The following TCF7L1 variants were observed in gnomAD, a reference collection of about 807,000 sequenced individuals.
TCF7L1 encodes the protein transcription factor 7-like 1.
TCF7L1 carries 18 observed loss-of-function variants against 63.7 expected under a neutral mutation model. That is an observed-to-expected ratio of 0.28 (90% CI 0.20 to 0.42). The LOEUF is 0.42. Among genes scored for constraint, TCF7L1 ranks in the 10% least tolerant of loss-of-function variants. The pLI is 1.00. For synonymous variants in TCF7L1, 355 were observed against 340.9 expected (o/e 1.04, Z -0.46); for missense variants, 654 against 779.3 (o/e 0.84, Z 1.91).
chr2:85,220,031 CT>C (rs1265401189), intron 3 of TCF7L1, among the ~76,000 whole-genome samples: 2 of 152,170 alleles, frequency 1.3e-5, no homozygotes, highest in Non-Finnish European at 2.9e-5. Context: ...GTTTATTGTA[CT>C]TTTCCTATAA....
rs567918409 is a variant in TCF7L1, at chr2:85,274,635, C to T, written c.442-8860C>T. On this transcript the variant is annotated intron_variant, in intron 3 of 11. Transcript: ENST00000282111. Reference sequence around the variant, plus strand: ...CAGCCAATTGGTAGCATCTCTTCCGCGCTGAGCCTTCAGTGACTCATCGTG... The same window carrying T: ...CAGCCAATTGGTAGCATCTCTTCCGTGCTGAGCCTTCAGTGACTCATCGTG... Among the ~76,000 whole-genome samples the T allele has an allele frequency of 1.2e-4, 18 of 152,326 alleles. No individual in the cohort carries two copies. The South Asian group carries it at 1.2e-3, about 11-fold the overall frequency.
chr2:85,205,780 C>A (rs536219283), intron 3 of TCF7L1, among the ~76,000 whole-genome samples: 1 of 152,330 alleles, frequency 6.6e-6, no homozygotes, highest in Non-Finnish European at 1.5e-5. Flanking sequence ...CTTGGCCTCC[C>A]AAAGTGTTGG....
At chr2:85,228,293 C>T (rs1033066639) in intron 3 of TCF7L1, among the ~76,000 whole-genome samples, 4 of 152,078 alleles carry the variant, frequency 2.6e-5, no homozygotes, top group East Asian at 1.9e-4. Context: ...TGGTGGTGCA[C>T]GCCTGTAGTC....
rs1476609397 is a variant in TCF7L1 at position 85,310,220 on chromosome 2, C to G, written c.*758C>G. On this transcript the variant is annotated 3_prime_UTR_variant, in exon 12 of 12. Coordinates refer to ENST00000282111, the MANE Select transcript of TCF7L1 (RefSeq NM_031283.3). ...ATGGTCTGGCTCCTGTCACCTGGGT[C>G]CGTGCCAGCACAATCTGCCAAAGTT... The G allele has an allele frequency of 6.6e-6, 1 of 152,604 alleles. No individual in the cohort carries two copies. The highest frequency in any genetic ancestry group is 1.5e-5 in the Non-Finnish European group (1 of 68,062). 9.5% of individuals were successfully genotyped at this position (152,604 alleles called of 1,614,324 possible). A position where few individuals can be genotyped will look rare whatever the true frequency, so the allele number is the denominator to read the frequency against.
chr2:85,299,386 CTA>C lies in TCF7L1; in HGVS notation c.526-3097_526-3096del, dbSNP rs371963193. On this transcript the variant is annotated intron_variant, in intron 4 of 11. Transcript: ENST00000282111. ...CCAACATGGTGAAACCCCATCTCTA[CTA>C]AAAATACAAAAAAATTAGCCGGACA... Among the ~76,000 whole-genome samples the C allele has an allele frequency of 7.7e-3, 1,173 of 151,650 alleles. 11 individuals are homozygous for C. Among genetic ancestry groups the C allele is most frequent in the Middle Eastern group, 0.034 (10 of 290 alleles).
At chr2:85,300,260 A>G (rs544512352) in intron 4 of TCF7L1, among the ~76,000 whole-genome samples, 7 of 151,982 alleles carry the variant, frequency 4.6e-5, no homozygotes, top group Non-Finnish European at 8.8e-5. Context: ...TAATAATTCT[A>G]TTGGATTTAT....
Position 85,302,539 on chromosome 2 carries a change from T to C in TCF7L1, c.581T>C (p.Leu194Pro), listed in dbSNP as rs759638450. The C allele has an allele frequency of 1.9e-6, 3 of 1,614,046 alleles. No homozygotes were observed. ...HPHHMHPLTP[L>P]ITYSNDHFSP... ...CATCACATGCATCCGCTGACTCCCC[T>C]CATCACCTACAGCAATGACCACTTC... Residue 194 changes from leucine to proline, a missense_variant, in exon 5 of 12, where the codon CTC (leucine) becomes CCC (proline). Leu to Pro is a moderately conservative substitution (Grantham distance 98). Around this residue, in one of 3 missense-constraint regions of TCF7L1, gnomAD observed 404 missense variants for 454.8 expected, o/e 0.89. Coordinates refer to ENST00000282111, the MANE Select transcript of TCF7L1 (RefSeq NM_031283.3).
At chr2:85,295,278 C>T (rs1483866612) in intron 4 of TCF7L1, among the ~76,000 whole-genome samples, 4 of 151,874 alleles carry the variant, frequency 2.6e-5, no homozygotes, top group Non-Finnish European at 4.4e-5. Flanking sequence ...CTTGGCTCAC[C>T]GCAACCTTTG....
intron 3 of TCF7L1, among the ~76,000 whole-genome samples, chr2:85,215,571 C>G (rs1679680901): frequency 6.6e-6 from 1 of 152,210 alleles, no homozygotes; most frequent in Admixed American, 6.5e-5. Context: ...CACGTTGAAG[C>G]AGCTGTGCCG....
chr2:85,211,578 T>C lies in TCF7L1; in HGVS notation c.442-71917T>C, dbSNP rs1400385012. Among the ~76,000 whole-genome samples, 7 of 152,156 alleles carry C rather than the reference T, an allele frequency of 4.6e-5. No individual in the cohort carries two copies. In the East Asian group the frequency reaches 1.3e-3, roughly 29 times the overall value. On this transcript the variant is annotated intron_variant, in intron 3 of 11. Transcript: ENST00000282111. ...TAAAACGATGCATTATAGGACCTGC[T>C]CCCTGCCCTCACCTAGCTTATAATT... is the stretch of plus-strand genomic sequence containing the variant.
At chr2:85,258,795 C>T (rs769549990) in intron 3 of TCF7L1, among the ~76,000 whole-genome samples, 1 of 152,172 alleles carries the variant, frequency 6.6e-6, no homozygotes, top group African/African-American at 2.4e-5. Flanking sequence ...AGTGGGTGAC[C>T]ATCACTGACC....
intron 3 of TCF7L1, among the ~76,000 whole-genome samples, chr2:85,186,256 C>T (rs1227297502): frequency 1.3e-5 from 2 of 152,102 alleles, no homozygotes; most frequent in Non-Finnish European, 2.9e-5. Flanking sequence ...CGTGAGCCAC[C>T]GCGCCCGGCC....
In TCF7L1 at chr2:85,254,084, C is replaced by T. The variant is rs745892686; in HGVS notation, c.442-29411C>T. On this transcript the variant is annotated intron_variant, in intron 3 of 11. Coordinates refer to ENST00000282111, the MANE Select transcript of TCF7L1 (RefSeq NM_031283.3). ...CTGGAGCGGGTGGGAGGGCAGGAAG[C>T]CCAGCTGGGCACGGGGCAGCTGGAG... 1.2e-4 allele frequency among the ~76,000 whole-genome samples: 19 copies of T among 152,252 alleles called. 1 individual carries two copies. The highest frequency in any genetic ancestry group is 2.1e-4 in the Non-Finnish European group (14 of 68,034).
At chr2:85,262,173 A>G (rs1001015827) in intron 3 of TCF7L1, 18 of 547,688 alleles carry the variant, frequency 3.3e-5, no homozygotes, top group Non-Finnish European at 5.2e-5. Flanking sequence ...ATTAAAACCA[A>G]TGATACAGCC....
chr2:85,229,865 G>A (rs1036644652), intron 3 of TCF7L1, among the ~76,000 whole-genome samples: 2 of 152,044 alleles, frequency 1.3e-5, no homozygotes, highest in Non-Finnish European at 2.9e-5. Context: ...AAAAATAGCC[G>A]GACGTGGTGG....
intron 3 of TCF7L1, among the ~76,000 whole-genome samples, chr2:85,223,239 G>A (rs1389937158): frequency 1.3e-5 from 2 of 152,116 alleles, no homozygotes; most frequent in East Asian, 1.9e-4. Context: ...GTGCCATCAC[G>A]CCCTGCTAAT....
chr2:85,260,223 G>C (rs760682577), intron 3 of TCF7L1, among the ~76,000 whole-genome samples: 1 of 152,170 alleles, frequency 6.6e-6, no homozygotes, highest in African/African-American at 2.4e-5. Context: ...TGCTTACAGC[G>C]AACCAGATGC....
intron 3 of TCF7L1, among the ~76,000 whole-genome samples, chr2:85,218,149 T>G (rs957056964): frequency 6.6e-6 from 1 of 152,110 alleles, no homozygotes; most frequent in Non-Finnish European, 1.5e-5. Context: ...CAATAAATGC[T>G]CCCTTTTCAA....
intron 3 of TCF7L1, among the ~76,000 whole-genome samples, chr2:85,281,128 A>T (rs993687350): frequency 6.8e-6 from 1 of 146,896 alleles, no homozygotes; most frequent in Non-Finnish European, 1.5e-5. Flanking sequence ...GGTTCAAGTG[A>T]TTCTTCTGCC....
Sources: allele counts gnomAD v4.1 joint callset (sites outside exome capture counted in the v4.1 genomes callset), GRCh38; gene constraint gnomAD v4.1.1; regional missense constraint gnomAD v4.1.1; transcripts MANE v1.5; gene names NCBI Gene and HGNC (gene_info 2026-07-23, HGNC 2026-07-21).